Variants in FGF14 observed in about 807,000 individuals in gnomAD.
FGF14 encodes the protein fibroblast growth factor 14, also known as fibroblast growth factor homologous factor 4.
In FGF14, 5 loss-of-function variants were observed where a neutral mutation model predicts 25.5. The ratio of observed to expected loss-of-function variants is 0.20; its 90% CI spans 0.10 to 0.41. FGF14 has a LOEUF of 0.41. Ranked by LOEUF, FGF14 falls within the 10% of genes least tolerant of loss-of-function variation. FGF14 has a pLI of 1.00. For missense variants in FGF14, 222 were observed against 320.1 expected, an observed-to-expected ratio of 0.69 and a Z score of 2.34; for synonymous variants, 138 against 118.3, an observed-to-expected ratio of 1.17 and a Z score of -1.08.
intron 1 of FGF14, among the ~76,000 whole-genome samples, chr13:102,091,397 C>T (rs2044158462): frequency 6.6e-6 from 1 of 152,140 alleles, no homozygotes; most frequent in Non-Finnish European, 1.5e-5. Flanking sequence ...TCCTGTGTCC[C>T]TCTAGGGGAG....
chr13:102,217,878 C>T (rs1054028195), intron 1 of FGF14, among the ~76,000 whole-genome samples: 3 of 152,060 alleles, frequency 2.0e-5, no homozygotes, highest in Admixed American at 6.5e-5. Flanking sequence ...TGAGAAAGCC[C>T]GGAACACTGG....
At chr13:102,059,653 C>A (rs796230974) in intron 1 of FGF14, among the ~76,000 whole-genome samples, 1 of 152,060 alleles carries the variant, frequency 6.6e-6, no homozygotes, top group Admixed American at 6.5e-5. Context: ...AAGTTCGAAA[C>A]CGGCATGGCC....
chr13:101,784,677 C>T (rs1424993412), intron 3 of FGF14, among the ~76,000 whole-genome samples: 1 of 152,066 alleles, frequency 6.6e-6, no homozygotes. Flanking sequence ...AGCTATTTTC[C>T]CATTCTTATC....
At chr13:102,018,258 C>T (rs1399800862) in intron 1 of FGF14, among the ~76,000 whole-genome samples, 1 of 152,158 alleles carries the variant, frequency 6.6e-6, no homozygotes, top group Non-Finnish European at 1.5e-5. Context: ...TTTCCTCTTC[C>T]TCCTGGGTTT....
chr13:102,213,341 A>G (rs765861871), intron 1 of FGF14, among the ~76,000 whole-genome samples: 3 of 152,250 alleles, frequency 2.0e-5, no homozygotes, highest in South Asian at 2.1e-4. Context: ...TTTAAAAATA[A>G]CATAATTCCT....
chr13:102,192,245 T>G (rs566173272), intron 1 of FGF14, among the ~76,000 whole-genome samples: 21 of 152,346 alleles, frequency 1.4e-4, no homozygotes, highest in African/African-American at 5.0e-4. Flanking sequence ...TCTGGTCTGG[T>G]CTTGCAAGAT....
At chr13:101,889,038 G>A (rs2046134875) in intron 1 of FGF14, among the ~76,000 whole-genome samples, 1 of 152,072 alleles carries the variant, frequency 6.6e-6, no homozygotes, top group Admixed American at 6.6e-5. Context: ...ACAGGTAAAA[G>A]ACCACAGGTA....
chr13:102,185,921 A>G (rs2048856170), intron 1 of FGF14, among the ~76,000 whole-genome samples: 1 of 152,164 alleles, frequency 6.6e-6, no homozygotes, highest in Admixed American at 6.6e-5. Context: ...AAGAAGGAAA[A>G]AGTCTTTGAT....
intron 3 of FGF14, among the ~76,000 whole-genome samples, chr13:101,836,535 TAGA>T (rs1485176965): frequency 6.6e-6 from 1 of 151,890 alleles, no homozygotes; most frequent in African/African-American, 2.4e-5. Context: ...GGAAGTGGAG[TAGA>T]AGAAGAATAA....
intron 1 of FGF14, among the ~76,000 whole-genome samples, chr13:101,890,277 T>C (rs747866812): frequency 1.3e-5 from 2 of 152,124 alleles, no homozygotes; most frequent in Non-Finnish European, 2.9e-5. Flanking sequence ...CTTTCTTTCT[T>C]AAGCAGTCCA....
intron 3 of FGF14, among the ~76,000 whole-genome samples, chr13:101,859,552 C>G (rs2044301094): frequency 1.3e-5 from 2 of 152,196 alleles, no homozygotes; most frequent in Middle Eastern, 3.4e-3. Context: ...CACTTTGATA[C>G]CAAGAGCTCT....
intron 3 of FGF14, among the ~76,000 whole-genome samples, chr13:101,788,025 C>T (rs1594248147): frequency 6.6e-6 from 1 of 152,262 alleles, no homozygotes; most frequent in African/African-American, 2.4e-5. Context: ...GCTTGTGGCA[C>T]TACGCCCAGC....
At chr13:101,794,457 C>A (rs1011086321) in intron 3 of FGF14, among the ~76,000 whole-genome samples, 7 of 152,088 alleles carry the variant, frequency 4.6e-5, no homozygotes, top group Non-Finnish European at 1.0e-4. Context: ...CACTTATGTA[C>A]AACACTGCCA....
intron 1 of FGF14, among the ~76,000 whole-genome samples, chr13:102,390,151 G>A (rs1292233239): frequency 6.6e-6 from 1 of 152,190 alleles, no homozygotes; most frequent in East Asian, 1.9e-4. Context: ...AAACTAAGGG[G>A]AGAGAAATCA....
intron 1 of FGF14, among the ~76,000 whole-genome samples, chr13:102,352,951 C>T (rs1007522451): frequency 6.6e-6 from 1 of 152,094 alleles, no homozygotes; most frequent in Non-Finnish European, 1.5e-5. Context: ...CTTCCCATTG[C>T]GCACCTCTGC....
chr13:102,140,836 G>A (rs1348861841), intron 1 of FGF14, among the ~76,000 whole-genome samples: 1 of 152,048 alleles, frequency 6.6e-6, no homozygotes, highest in Non-Finnish European at 1.5e-5. Context: ...TATTACTTCG[G>A]CAAAAAGTGA....
At chr13:102,125,950 C>T (rs1470104488) in intron 1 of FGF14, among the ~76,000 whole-genome samples, 1 of 152,082 alleles carries the variant, frequency 6.6e-6, no homozygotes, top group Non-Finnish European at 1.5e-5. Context: ...CAGGGGAAAG[C>T]TTGCATGGAG....
chr13:102,270,020 C>T (rs2053172509), intron 1 of FGF14, among the ~76,000 whole-genome samples: 1 of 152,062 alleles, frequency 6.6e-6, no homozygotes. Flanking sequence ...TAGTACTGTG[C>T]CTGAGCAAGT....
Position 102,342,090 on chromosome 13 carries a change from G to A in FGF14, c.208+59381C>T, listed in dbSNP as rs376493544. Among the ~76,000 whole-genome samples the A allele has an allele frequency of 9.2e-5, 14 of 152,252 alleles. No individual in the cohort carries two copies. In the South Asian group the frequency reaches 2.7e-3, roughly 29 times the overall value. Reference sequence around the variant, plus strand: ...AATCAGTGTTTTCTGATACTTTTAAGGCAACACCTACAAGTTTAAAGCCAT... The same window carrying A: ...AATCAGTGTTTTCTGATACTTTTAAAGCAACACCTACAAGTTTAAAGCCAT... On this transcript the variant is annotated intron_variant, in intron 1 of 4. Transcript: ENST00000376131.
Sources: allele counts gnomAD v4.1 joint callset (sites outside exome capture counted in the v4.1 genomes callset), GRCh38; gene constraint gnomAD v4.1.1; transcripts MANE v1.5; gene names NCBI Gene and HGNC (gene_info 2026-07-23, HGNC 2026-07-21).